Variants in RASGRF2 observed in about 807,000 individuals in gnomAD.
RASGRF2 encodes the protein ras-specific guanine nucleotide-releasing factor 2.
RASGRF2 carries 76 observed loss-of-function variants against 151.0 expected under a neutral mutation model. The ratio of observed to expected loss-of-function variants is 0.50; its 90% CI spans 0.42 to 0.61. RASGRF2 has a LOEUF of 0.61. Among genes scored for constraint, RASGRF2 ranks in the 20% least tolerant of loss-of-function variants. RASGRF2 has a pLI of 0.00. For synonymous variants in RASGRF2, 504 were observed against 566.5 expected, an observed-to-expected ratio of 0.89 and a Z score of 1.57; for missense variants, 1,148 against 1,564.6, an observed-to-expected ratio of 0.73 and a Z score of 4.49.
rs1747503004 is a variant in RASGRF2, at chr5:80,960,391, GC to G, written c.-346del. ...CCTTCCCCGGCTGCCGCCCCAGCCC[GC>G]CGCGGGGGCTCGGCTCCCGCAACTT... On this transcript the variant is annotated 5_prime_UTR_variant, in exon 1 of 27. Transcript: ENST00000265080. This position sits in a 1 kb window ranked among gnomAD's most constrained non-coding sequence, Gnocchi z 5.5. Among the ~76,000 whole-genome samples, 3 of 151,156 alleles carry G rather than the reference GC, an allele frequency of 2.0e-5. No homozygotes were observed. The highest frequency in any genetic ancestry group is 2.0e-4 in the Admixed American group (3 of 15,178).
chr5:81,125,165 GA>G (rs1190275866), intron 16 of RASGRF2, among the ~76,000 whole-genome samples: 1 of 152,154 alleles, frequency 6.6e-6, no homozygotes, highest in Non-Finnish European at 1.5e-5. Context: ...GAGATTACAG[GA>G]ATAAGCCACT....
chr5:81,181,585 A>AGTG (rs1360740082), intron 18 of RASGRF2, among the ~76,000 whole-genome samples: 3 of 152,190 alleles, frequency 2.0e-5, no homozygotes, highest in Admixed American at 2.0e-4. Flanking sequence ...CAGATAAAAC[A>AGTG]CTATAATGAG....
intron 18 of RASGRF2, among the ~76,000 whole-genome samples, chr5:81,198,418 C>CAGGCCTGTAATGGCCTGT: frequency 6.6e-6 from 1 of 151,888 alleles, no homozygotes; most frequent in Non-Finnish European, 1.5e-5. Flanking sequence ...CCTGTATCTT[C>CAGGCCTGTAATGGCCTGT]ATCCATGTTG....
chr5:80,961,996 G>A (rs575598435), intron 1 of RASGRF2, among the ~76,000 whole-genome samples: 1 of 152,076 alleles, frequency 6.6e-6, no homozygotes. Context: ...AAAAATATTC[G>A]CAGCTGAATT....
At chr5:81,208,514 CAAAGCAACT>C in intron 22 of RASGRF2, 76 bp downstream of exon 22, 1 of 575,976 alleles carries the variant, frequency 1.7e-6, no homozygotes, top group Non-Finnish European at 2.9e-6. Context: ...TCCTCTAAAA[CAAAGCAACT>C]CTGTCACCCA....
chr5:81,045,741 A>G (rs917738485), intron 2 of RASGRF2, among the ~76,000 whole-genome samples: 6 of 152,048 alleles, frequency 3.9e-5, no homozygotes, highest in African/African-American at 1.4e-4. Context: ...TCTGTTTTGC[A>G]TTGAGATATT....
At chr5:81,088,751 A>C (rs1021776683) in intron 9 of RASGRF2, among the ~76,000 whole-genome samples, 3 of 152,192 alleles carry the variant, frequency 2.0e-5, no homozygotes, top group Non-Finnish European at 4.4e-5. Context: ...TTGCTAAAAA[A>C]CGTAAACTTT....
chr5:81,064,580 A>G (rs763734648), intron 2 of RASGRF2, among the ~76,000 whole-genome samples: 4 of 152,162 alleles, frequency 2.6e-5, no homozygotes, highest in Non-Finnish European at 2.9e-5. Flanking sequence ...TCTGGTTTTC[A>G]TGAGTGTCTG....
intron 1 of RASGRF2, among the ~76,000 whole-genome samples, chr5:81,008,747 A>G (rs746651983): frequency 6.6e-5 from 10 of 152,130 alleles, no homozygotes; most frequent in Non-Finnish European, 1.3e-4. Context: ...TGCTGATTTA[A>G]TATTAGAAAT....
chr5:81,003,368 G>A (rs1355985614), intron 1 of RASGRF2, among the ~76,000 whole-genome samples: 8 of 152,026 alleles, frequency 5.3e-5, no homozygotes, highest in Non-Finnish European at 7.4e-5. Flanking sequence ...GACTACAGGT[G>A]CCCACCACCA....
Position 80,960,861 on chromosome 5 carries a change from GA to G in RASGRF2, c.125del (p.Lys42SerfsTer96). On this transcript the variant is annotated frameshift_variant, in exon 1 of 27. Transcript: ENST00000265080. LOFTEE classifies it high-confidence loss of function. This position sits in a 1 kb window ranked among gnomAD's most constrained non-coding sequence, Gnocchi z 5.5. ...KTAEASRWHE[K>X]WFALYQNVLF... ...CGGCCGAGGCGAGCCGCTGGCACGA[GA>G]AGTGGTTCGCCCTCTACCAGAATGT... is the stretch of plus-strand genomic sequence containing the variant. 6.2e-7 allele frequency: 1 copy of G among 1,613,730 alleles called. No individual in the cohort carries two copies. The highest frequency in any genetic ancestry group is 8.5e-7 in the Non-Finnish European group (1 of 1,179,754).
At chr5:81,168,697 ATACT>A (rs1356607758) in intron 17 of RASGRF2, among the ~76,000 whole-genome samples, 1 of 152,122 alleles carries the variant, frequency 6.6e-6, no homozygotes, top group East Asian at 1.9e-4. Flanking sequence ...AATATTGGCC[ATACT>A]TAATGTCTCC....
At chr5:81,207,487 G>A (rs777637950) in intron 21 of RASGRF2, 138 bp downstream of exon 21, 1 of 706,160 alleles carries the variant, frequency 1.4e-6, no homozygotes, top group Non-Finnish European at 2.4e-6. Context: ...TCCATCCATG[G>A]AACTGGCACG....
rs1751742145 is a variant in RASGRF2 at position 81,070,582 on chromosome 5, G to A, written c.633+1G>A. The stretch of plus-strand genomic sequence containing the variant: ...TCCAGACATCAAGAAGATTAAAAAG[G>A]TAGGGCCTGGAGGTTTCCAGCTTTG... On this transcript the variant is annotated splice_donor_variant, in intron 4 of 26. Transcript: ENST00000265080. LOFTEE classifies it high-confidence loss of function. 1 of 1,599,720 alleles carries A rather than the reference G, an allele frequency of 6.3e-7. No individual in the cohort carries two copies. Among genetic ancestry groups the A allele is most frequent in the Non-Finnish European group, 8.6e-7 (1 of 1,167,046 alleles).
intron 17 of RASGRF2, among the ~76,000 whole-genome samples, chr5:81,151,291 C>A (rs971221898): frequency 6.6e-6 from 1 of 151,986 alleles, no homozygotes; most frequent in East Asian, 1.9e-4. Flanking sequence ...TGAGGCAGAT[C>A]TCTGGCTGTA....
chr5:80,984,487 T>C (rs1291004737), intron 1 of RASGRF2, among the ~76,000 whole-genome samples: 7 of 152,262 alleles, frequency 4.6e-5, no homozygotes, highest in African/African-American at 1.7e-4. Flanking sequence ...AGATTATACT[T>C]TCCTTTGTGT....
At chr5:81,041,912 A>G (rs1750689556) in intron 1 of RASGRF2, among the ~76,000 whole-genome samples, 1 of 152,140 alleles carries the variant, frequency 6.6e-6, no homozygotes, top group Non-Finnish European at 1.5e-5. Flanking sequence ...TCCCTATTTT[A>G]CGAATATCAC....
intron 17 of RASGRF2, among the ~76,000 whole-genome samples, chr5:81,143,615 G>A (rs1011308401): frequency 9.2e-5 from 14 of 152,180 alleles, no homozygotes; most frequent in African/African-American, 2.9e-4. Flanking sequence ...AAAAAGGGCA[G>A]GCACGGTGGT....
chr5:81,061,106 A>G (rs1055230383), intron 2 of RASGRF2, among the ~76,000 whole-genome samples: 3 of 151,826 alleles, frequency 2.0e-5, no homozygotes, highest in South Asian at 2.1e-4. Flanking sequence ...TGTTATGACT[A>G]TTTTCAAAAA....
Sources: allele counts gnomAD v4.1 joint callset (sites outside exome capture counted in the v4.1 genomes callset), GRCh38; gene constraint gnomAD v4.1.1; non-coding constraint Gnocchi (gnomAD v3.1); transcripts MANE v1.5; gene names NCBI Gene and HGNC (gene_info 2026-07-23, HGNC 2026-07-21).